The following SCN3A variants were observed in gnomAD, a reference collection of about 807,000 sequenced individuals.
SCN3A encodes the protein sodium voltage-gated channel alpha subunit 3.
SCN3A carries 60 observed loss-of-function variants against 187.6 expected under a neutral mutation model. That is an observed-to-expected ratio of 0.32 (90% CI 0.26 to 0.40). The LOEUF is 0.40. Among genes scored for constraint, SCN3A ranks in the 10% least tolerant of loss-of-function variants. The probability of loss-of-function intolerance (pLI) is 1.00; values close to 1 mark genes in which losing one functional copy is unlikely to be tolerated. For synonymous variants in SCN3A, 788 were observed against 829.2 expected (o/e 0.95, Z 0.85); for missense variants, 1,601 against 2,428.2 (o/e 0.66, Z 7.16).
At chr2:165,162,902 C>A in intron 7 of SCN3A, 74 bp from the exon 8 acceptor site, 1 of 1,542,692 alleles carries the variant, frequency 6.5e-7, no homozygotes, top group Non-Finnish European at 9.0e-7. Context: ...CACACACATT[C>A]TCTTTCCCCC....
At chr2:165,153,875 T>C (rs1688847375) in intron 11 of SCN3A, among the ~76,000 whole-genome samples, 1 of 151,864 alleles carries the variant, frequency 6.6e-6, no homozygotes, top group African/African-American at 2.4e-5. Context: ...AACACATTAA[T>C]GTCCCATTCA....
chr2:165,097,918 C>T (rs1685435559), intron 22 of SCN3A, among the ~76,000 whole-genome samples: 2 of 152,054 alleles, frequency 1.3e-5, no homozygotes, highest in African/African-American at 4.8e-5. Context: ...TTTGAAAAAG[C>T]CAGTAAACAA....
intron 2 of SCN3A, among the ~76,000 whole-genome samples, chr2:165,185,819 C>T (rs1481003790): frequency 6.6e-6 from 1 of 152,118 alleles, no homozygotes; most frequent in Non-Finnish European, 1.5e-5. Flanking sequence ...CAGCTCACAA[C>T]CAAGTACTCA....
chr2:165,154,090 C>T (rs1051201236), intron 11 of SCN3A, among the ~76,000 whole-genome samples: 3 of 135,938 alleles, frequency 2.2e-5, no homozygotes, highest in Non-Finnish European at 3.1e-5. Flanking sequence ...AACTTCAGAA[C>T]AAAATCTCAA....
intron 18 of SCN3A, 134 bp downstream of exon 18, chr2:165,127,497 T>G: frequency 1.4e-6 from 1 of 726,706 alleles, no homozygotes; most frequent in African/African-American, 1.8e-5. Context: ...TCTTGTGATT[T>G]TCCAACATCA....
At chr2:165,178,655 C>A (rs1009064312) in intron 2 of SCN3A, among the ~76,000 whole-genome samples, 9 of 152,036 alleles carry the variant, frequency 5.9e-5, no homozygotes, top group African/African-American at 2.2e-4. Context: ...AAATAGCAGG[C>A]CTGTCAAAAG....
chr2:165,139,725 G>T, intron 13 of SCN3A, 117 bp from the exon 14 acceptor site: 1 of 1,284,060 alleles, frequency 7.8e-7, no homozygotes, highest in Non-Finnish European at 1.1e-6. Context: ...AATTTTCAAG[G>T]AATAAAATAT....
intron 17 of SCN3A, among the ~76,000 whole-genome samples, chr2:165,128,422 CCAA>C (rs555788432): frequency 0.027 from 4,011 of 149,482 alleles, 68 homozygotes; most frequent in Non-Finnish European, 0.043. Context: ...AAGGATTCTG[CCAA>C]CGAGAGAGAG....
chr2:165,180,989 T>A (rs1227744230), intron 2 of SCN3A, among the ~76,000 whole-genome samples: 1 of 152,168 alleles, frequency 6.6e-6, no homozygotes, highest in Non-Finnish European at 1.5e-5. Context: ...AAAATTCTTA[T>A]TAACTAATAA....
At chr2:165,172,766 C>T (rs1463798988) in intron 3 of SCN3A, among the ~76,000 whole-genome samples, 1 of 152,124 alleles carries the variant, frequency 6.6e-6, no homozygotes, top group South Asian at 2.1e-4. Context: ...AGCGGAATTA[C>T]AGCTGACATG....
chr2:165,157,287 T>G (rs1439221800), intron 9 of SCN3A, among the ~76,000 whole-genome samples: 1 of 152,196 alleles, frequency 6.6e-6, no homozygotes, highest in African/African-American at 2.4e-5. Flanking sequence ...AGTTATGTCT[T>G]TTTAGGCTCC....
intron 24 of SCN3A, 77 bp downstream of exon 24, chr2:165,096,390 G>A: frequency 1.0e-5 from 11 of 1,083,612 alleles, no homozygotes; most frequent in Non-Finnish European, 1.4e-5. Context: ...AATTTTGGAT[G>A]TATCAGTGTT....
At chr2:165,168,642 A>C in intron 5 of SCN3A, 94 bp downstream of exon 5, 2 of 900,048 alleles carry the variant, frequency 2.2e-6, no homozygotes, top group Non-Finnish European at 3.8e-6. Flanking sequence ...TTTCTTAGAC[A>C]GAAGTGGAAA....
rs1254953174 is a variant in SCN3A, at chr2:165,091,125, G to T, written c.5028C>A (p.Asn1676Lys). The T allele has an allele frequency of 1.3e-5, 21 of 1,613,992 alleles. No individual in the cohort carries two copies. The highest frequency in any genetic ancestry group is 1.8e-5 in the Non-Finnish European group (21 of 1,179,992). The change falls in exon 28 of 28, where the codon AAC becomes AAA. Residue 1676 changes from asparagine to lysine, a missense_variant. By Grantham distance (94) the Asn-to-Lys change is moderately conservative. Around this residue, in one of 11 missense-constraint regions of SCN3A, gnomAD observed 320 missense variants for 623.2 expected, o/e 0.51. Coordinates refer to ENST00000283254, the MANE Select transcript of SCN3A (RefSeq NM_006922.4). ...CAGCTTCCTTTTTAACATAGGCAAA[G>T]TTGGACATCCCAAAGATGGCATAGA... The part of the protein sequence containing the change: ...MFIYAIFGMS[N>K]FAYVKKEAGI...
At chr2:165,172,924 G>C (rs1690196995) in intron 3 of SCN3A, among the ~76,000 whole-genome samples, 1 of 152,288 alleles carries the variant, frequency 6.6e-6, no homozygotes, top group South Asian at 2.1e-4. Context: ...GTCCTGCATA[G>C]TGAAAGAATT....
intron 6 of SCN3A, 136 bp downstream of exon 6, chr2:165,164,256 A>T: frequency 9.1e-7 from 1 of 1,094,432 alleles, no homozygotes; most frequent in Non-Finnish European, 1.4e-6. Context: ...TCTAATATGT[A>T]TTCTTAAAAT....
intron 18 of SCN3A, among the ~76,000 whole-genome samples, chr2:165,125,075 C>G (rs559584594): frequency 5.3e-5 from 8 of 152,248 alleles, no homozygotes; most frequent in Admixed American, 4.6e-4. Context: ...CCAACACTTA[C>G]CTCATGTAGA....
chr2:165,095,630 A>G lies in SCN3A; in HGVS notation c.4312T>C (p.Tyr1438His), dbSNP rs760511651. ...AAATACATGTACAGATTTTCTTCAT[A>G]TACAGGCTGAAGTTTAACCTAAATG... is the stretch of plus-strand genomic sequence containing the variant. ...DSRDVKLQPV[Y>H]EENLYMYLYF... The change falls in exon 25 of 28, where the codon TAT becomes CAT. Residue 1438 changes from tyrosine to histidine, a missense_variant. Coordinates refer to ENST00000283254, the MANE Select transcript of SCN3A (RefSeq NM_006922.4). The G allele has an allele frequency of 3.4e-6, 5 of 1,460,184 alleles. No homozygotes were observed. The highest frequency in any genetic ancestry group is 4.8e-6 in the Non-Finnish European group (5 of 1,041,462). The allele number at this position is 1,460,184 out of a possible 1,614,324, so 90.5% of individuals were successfully genotyped here.
intron 18 of SCN3A, among the ~76,000 whole-genome samples, chr2:165,126,267 A>C (rs1686982406): frequency 6.6e-6 from 1 of 152,204 alleles, no homozygotes; most frequent in African/African-American, 2.4e-5. Flanking sequence ...AATAATAGTA[A>C]AGAATTTTAA....
Sources: gnomAD v4.1 joint callset for allele counts (sites outside exome capture counted in the v4.1 genomes callset) on GRCh38, gnomAD v4.1.1 for gene constraint, gnomAD v4.1.1 regional missense constraint, MANE v1.5 for transcripts, NCBI Gene and HGNC (gene_info 2026-07-23, HGNC 2026-07-21) for gene names.